Variants in GET4 observed in about 807,000 individuals in gnomAD.
GET4 encodes guided entry of tail-anchored proteins factor 4, also known as Golgi to ER traffic protein 4 homolog.
GET4 carries 20 observed loss-of-function variants against 40.0 expected under a neutral mutation model. The ratio of observed to expected loss-of-function variants is 0.50; its 90% CI spans 0.35 to 0.73. The LOEUF (loss-of-function observed/expected upper bound fraction) is 0.73. Among genes scored for constraint, GET4 ranks in the 30% least tolerant of loss-of-function variants. The pLI, the probability that GET4 is intolerant of heterozygous loss-of-function variation, is 0.01. For synonymous variants in GET4, 280 were observed against 194.6 expected, an observed-to-expected ratio of 1.44 and a Z score of -3.65; for missense variants, 557 against 454.0, an observed-to-expected ratio of 1.23 and a Z score of -2.06.
Position 890,917 on chromosome 7 carries a change from T to C in GET4, c.467-11T>C, listed in dbSNP as rs1210366858. 10 of 1,590,510 alleles carry C rather than the reference T, an allele frequency of 6.3e-6. No homozygotes were observed. The highest frequency in any genetic ancestry group is 7.8e-6 in the Non-Finnish European group (9 of 1,158,812). On this transcript the variant is annotated splice_polypyrimidine_tract_variant and intron_variant, in intron 4 of 8. Transcript: ENST00000265857. ...GAAATGTATTTACATTTTTCTGTCT[T>C]TCCTTTGCAGAACAAAACTATTGTG...
chr7:886,932 C>T (rs112513269), intron 3 of GET4: 3 of 535,594 alleles, frequency 5.6e-6, no homozygotes, highest in Non-Finnish European at 6.8e-6. Context: ...GGCCTCCCCG[C>T]CAGCTGGCAA....
chr7:883,992 G>C, intron 1 of GET4: 2 of 1,082,358 alleles, frequency 1.8e-6, no homozygotes, highest in Non-Finnish European at 2.3e-6. Context: ...GCTGCAAGGC[G>C]CAGTCCAAAC....
At chr7:883,611 C>A (rs1271541279) in intron 1 of GET4, 1 of 985,358 alleles carries the variant, frequency 1.0e-6, no homozygotes, top group Non-Finnish European at 1.2e-6. Flanking sequence ...GAAGCCATTT[C>A]CCTATCTGGA....
At chr7:885,339 C>T (rs911313906) in intron 1 of GET4, 3 of 152,314 alleles carry the variant, frequency 2.0e-5, no homozygotes, top group Admixed American at 2.0e-4. Flanking sequence ...CAGGCAGGGG[C>T]TCTGCTGCTT....
At chr7:892,009 C>T (rs971755448) in intron 5 of GET4, among the ~76,000 whole-genome samples, 2 of 152,246 alleles carry the variant, frequency 1.3e-5, no homozygotes, top group African/African-American at 4.8e-5. Context: ...TTGCTCAGTG[C>T]GTCACGTAGT....
chr7:890,529 G>A (rs1562896701), intron 4 of GET4, among the ~76,000 whole-genome samples: 1 of 152,054 alleles, frequency 6.6e-6, no homozygotes, highest in Non-Finnish European at 1.5e-5. Flanking sequence ...ACATCAGGCT[G>A]GTTTCTGCTG....
chr7:894,113 A>C, intron 8 of GET4, 142 bp downstream of exon 8: 4 of 585,230 alleles, frequency 6.8e-6, no homozygotes, highest in Non-Finnish European at 1.2e-5. Flanking sequence ...TACTTTTGTT[A>C]GTAGGAAATT....
intron 5 of GET4, 104 bp from the exon 6 acceptor site, chr7:892,174 C>G: frequency 8.3e-7 from 1 of 1,206,562 alleles, no homozygotes; most frequent in Non-Finnish European, 1.2e-6. Context: ...GCCGCAGGAA[C>G]CGTGGGCGCA....
At chr7:893,363 G>C (rs1844381003) in intron 6 of GET4, among the ~76,000 whole-genome samples, 1 of 129,008 alleles carries the variant, frequency 7.8e-6, no homozygotes, top group Non-Finnish European at 1.7e-5. Context: ...GTGAGTGTTG[G>C]GTGTGGGCGT....
chr7:895,166 CCA>C (rs1844449280), intron 8 of GET4, among the ~76,000 whole-genome samples, 166 bp from the exon 9 acceptor site: 1 of 151,160 alleles, frequency 6.6e-6, no homozygotes, highest in Admixed American at 6.6e-5. Flanking sequence ...TCCCTGGCCT[CCA>C]GAGTGTCCTG....
intron 8 of GET4, among the ~76,000 whole-genome samples, chr7:894,672 T>G (rs955750837): frequency 2.0e-5 from 3 of 152,146 alleles, no homozygotes; most frequent in African/African-American, 7.2e-5. Flanking sequence ...GAGCTCCCGT[T>G]CCACAGAAGC....
At chr7:894,303 G>A (rs542487333) in intron 8 of GET4, among the ~76,000 whole-genome samples, 26 of 152,276 alleles carry the variant, frequency 1.7e-4, no homozygotes, top group South Asian at 8.3e-4. Flanking sequence ...TGGTGTGCCC[G>A]GGACGCTGCC....
At chr7:887,711 C>T (rs1374683943) in intron 4 of GET4, among the ~76,000 whole-genome samples, 192 bp downstream of exon 4, 1 of 152,224 alleles carries the variant, frequency 6.6e-6, no homozygotes, top group Non-Finnish European at 1.5e-5. Context: ...CGAGAAGCTG[C>T]GAGAAGGGGG....
intron 5 of GET4, among the ~76,000 whole-genome samples, chr7:891,510 G>A (rs887574564): frequency 6.7e-6 from 1 of 149,800 alleles, no homozygotes; most frequent in African/African-American, 2.5e-5. Flanking sequence ...GCCAGCTCGG[G>A]CGCTGTCTGC....
intron 3 of GET4, chr7:887,055 G>C: frequency 1.7e-6 from 1 of 590,348 alleles, no homozygotes; most frequent in South Asian, 1.6e-5. Context: ...TGCTGCTCTG[G>C]GAGATGCCCC....
At chr7:880,987 C>T (rs989410346) in intron 1 of GET4, 9 of 152,232 alleles carry the variant, frequency 5.9e-5, no homozygotes, top group African/African-American at 1.9e-4. Context: ...GCCTCAGCCT[C>T]ATGAGTAGCT....
chr7:887,222 G>C, intron 3 of GET4, 148 bp from the exon 4 acceptor site: 1 of 840,138 alleles, frequency 1.2e-6, no homozygotes, highest in Non-Finnish European at 2.1e-6. Flanking sequence ...GCAGCTCAGT[G>C]TGGTGGTCCA....
intron 5 of GET4, among the ~76,000 whole-genome samples, chr7:891,962 C>T (rs1232660674): frequency 6.6e-6 from 1 of 152,192 alleles, no homozygotes; most frequent in South Asian, 2.1e-4. Context: ...TGCGGGCCAG[C>T]GCCTGACCGG....
At chr7:892,144 G>T (rs1377028312) in intron 5 of GET4, 134 bp from the exon 6 acceptor site, 3 of 785,260 alleles carry the variant, frequency 3.8e-6, no homozygotes, top group Middle Eastern at 3.3e-4. Context: ...GTGAAGCACT[G>T]GGTCCCTCCA....
Sources: gnomAD v4.1 joint callset for allele counts (sites outside exome capture counted in the v4.1 genomes callset) on GRCh38, gnomAD v4.1.1 for gene constraint, MANE v1.5 for transcripts, NCBI Gene and HGNC (gene_info 2026-07-23, HGNC 2026-07-21) for gene names.